LTBP4: variants seen among roughly 807,000 people sequenced by gnomAD.
The protein encoded by LTBP4 is latent-transforming growth factor beta-binding protein 4.
LTBP4 carries 93 observed loss-of-function variants against 180.2 expected under a neutral mutation model. That is an observed-to-expected ratio of 0.52 (90% CI 0.44 to 0.61). The LOEUF is 0.61. Among genes scored for constraint, LTBP4 ranks in the 20% least tolerant of loss-of-function variants. The probability of loss-of-function intolerance (pLI) is 0.00; values close to 1 mark genes in which losing one functional copy is unlikely to be tolerated. For synonymous variants in LTBP4, 947 were observed against 934.5 expected, an observed-to-expected ratio of 1.01 and a Z score of -0.24; for missense variants, 2,116 against 2,256.5, an observed-to-expected ratio of 0.94 and a Z score of 1.26.
chr19:40,613,151 G>T lies in LTBP4; in HGVS notation c.2386G>T (p.Ala796Ser), dbSNP rs771873900. Reference sequence around the variant, plus strand: ...CGAAGGCTCCTTCCGCTGCAGCTGCGCGCCAGGCTACCGGGCGCCGTCGGG... The same window carrying T: ...CGAAGGCTCCTTCCGCTGCAGCTGCTCGCCAGGCTACCGGGCGCCGTCGGG... ...NTEGSFRCSCAPGYRAPSGRP... is the reference protein window; with the variant it reads ...NTEGSFRCSCSPGYRAPSGRP... Residue 796 changes from alanine (A) to serine (S), a missense_variant, in exon 16 of 30, where the codon GCG becomes TCG. Around this residue, in one of 5 missense-constraint regions of LTBP4, gnomAD observed 877 missense variants for 873.6 expected, o/e 1.00. Coordinates refer to ENST00000396819, the MANE Select transcript of LTBP4 (RefSeq NM_001042545.2). This position sits in a 1 kb window ranked among gnomAD's most constrained non-coding sequence, Gnocchi z 5.0. The T allele has an allele frequency of 1.9e-6, 3 of 1,592,402 alleles. No individual in the cohort carries two copies. The highest frequency in any genetic ancestry group is 2.6e-6 in the Non-Finnish European group (3 of 1,169,770).
At position 40,613,946 on chromosome 19, in the gene LTBP4, G is replaced by A; in HGVS notation, c.2588G>A (p.Cys863Tyr). 8 of 1,613,622 alleles carry A rather than the reference G, an allele frequency of 5.0e-6. No individual in the cohort carries two copies. Among genetic ancestry groups the A allele is most frequent in the Non-Finnish European group, 6.8e-6 (8 of 1,179,802 alleles). ...DVDECSEEDL[C>Y]QSGICTNTDG... ...GACGAGTGCAGCGAGGAGGACCTTT[G>A]CCAGAGCGGCATCTGTACCAACACC... The change falls in exon 18 of 30, where the codon TGC (cysteine) becomes TAC (tyrosine). Residue 863 changes from cysteine to tyrosine, a missense_variant. Physicochemically the swap from Cys to Tyr is radical, Grantham distance 194. Around this residue, in one of 5 missense-constraint regions of LTBP4, gnomAD observed 877 missense variants for 873.6 expected, o/e 1.00. Transcript: ENST00000396819. The surrounding 1 kb of genome is among the most constrained non-coding windows in gnomAD (Gnocchi z 5.0).
At chr19:40,602,181 G>A (rs1211533113) in intron 1 of LTBP4, among the ~76,000 whole-genome samples, 1 of 146,464 alleles carries the variant, frequency 6.8e-6, no homozygotes, top group African/African-American at 2.5e-5. Flanking sequence ...GTGTGTGTGT[G>A]TGGCGGCGGG....
chr19:40,609,725 C>G lies in LTBP4; in HGVS notation c.1559-21C>G. The G allele has an allele frequency of 6.2e-7, 1 of 1,611,422 alleles. No homozygotes were observed. The highest frequency in any genetic ancestry group is 2.2e-5 in the East Asian group (1 of 44,814). On this transcript the variant is annotated intron_variant, in intron 10 of 29. Transcript: ENST00000396819. The surrounding 1 kb of genome is among the most constrained non-coding windows in gnomAD (Gnocchi z 4.9). ...GGGCTTTGCCTGGTCACCTTGTCAC[C>G]AGCCCCCTCCGTGTCCTCAGATGTG...
intron 22 of LTBP4, among the ~76,000 whole-genome samples, chr19:40,620,691 G>A (rs1012813356): frequency 2.7e-4 from 39 of 143,566 alleles, no homozygotes; most frequent in African/African-American, 1.0e-3. Context: ...CAGGAAAATC[G>A]CTTGAATCCA....
At chr19:40,618,791 G>A (rs867649040) in intron 21 of LTBP4, among the ~76,000 whole-genome samples, 1 of 152,132 alleles carries the variant, frequency 6.6e-6, no homozygotes, top group Non-Finnish European at 1.5e-5. Flanking sequence ...TCTTTAAAGG[G>A]AATTAAAACT....
intron 22 of LTBP4, among the ~76,000 whole-genome samples, chr19:40,620,875 C>T (rs925531310): frequency 3.3e-5 from 5 of 150,864 alleles, no homozygotes; most frequent in African/African-American, 4.9e-5. Flanking sequence ...GGGTATATTT[C>T]GTGATGCTGA....
upstream of LTBP4, chr19:40,601,316 C>T (rs2081421974): frequency 8.3e-6 from 8 of 965,374 alleles, no homozygotes; most frequent in Non-Finnish European, 9.8e-6. Flanking sequence ...CCCCCGCGGG[C>T]GGGCGGGCGG....
chr19:40,599,568 G>A (rs762874347), upstream of LTBP4: 1 of 1,601,898 alleles, frequency 6.2e-7, no homozygotes, highest in Non-Finnish European at 8.5e-7. Flanking sequence ...TGAGTGGGCA[G>A]TCCCTCCCCT....
chr19:40,619,517 C>A, intron 22 of LTBP4, 24 bp downstream of exon 22: 1 of 1,581,796 alleles, frequency 6.3e-7, no homozygotes, highest in Non-Finnish European at 8.6e-7. Context: ...GTCTATTTAA[C>A]TGATGGCGGC....
At chr19:40,624,139 A>T in intron 26 of LTBP4, 57 bp downstream of exon 26, 1 of 1,463,168 alleles carries the variant, frequency 6.8e-7, no homozygotes, top group South Asian at 1.4e-5. Flanking sequence ...TCACACCCGC[A>T]CCCGGGCCAC....
intron 24 of LTBP4, 145 bp downstream of exon 24, chr19:40,623,166 T>C: frequency 3.8e-6 from 2 of 526,650 alleles, no homozygotes; most frequent in Non-Finnish European, 6.2e-6. Flanking sequence ...TCTTTCTTTC[T>C]TTTCTTTCTT....
intron 1 of LTBP4, among the ~76,000 whole-genome samples, chr19:40,603,736 C>T (rs533667889): frequency 9.7e-4 from 148 of 152,358 alleles, no homozygotes; most frequent in Admixed American, 1.6e-3. Context: ...CTGCCTCCTC[C>T]CTCCCCTCCG....
upstream of LTBP4, chr19:40,599,470 G>A (rs558525573): frequency 4.0e-5 from 64 of 1,613,898 alleles, no homozygotes; most frequent in East Asian, 1.2e-3. Context: ...CAGGCCCCCA[G>A]CGGTGCCTGA....
chr19:40,605,958 G>T lies in LTBP4; in HGVS notation c.793+127G>T, dbSNP rs552762824. 9.1e-7 allele frequency: 1 copy of T among 1,102,778 alleles called. No homozygotes were observed. Among genetic ancestry groups the T allele is most frequent in the Non-Finnish European group, 1.3e-6 (1 of 785,280 alleles). The allele number at this position is 1,102,778 out of a possible 1,614,324, so 68.3% of individuals were successfully genotyped here. ...GCCACGCCTACCCCATTGTGGAGGC[G>T]ACTTCCAGTCCTGAGCTTTTCATAC... On this transcript the variant is annotated intron_variant, in intron 4 of 29. Transcript: ENST00000396819. This position sits in a 1 kb window ranked among gnomAD's most constrained non-coding sequence, Gnocchi z 5.5.
At chr19:40,624,298 C>T (rs542678851) in intron 26 of LTBP4, among the ~76,000 whole-genome samples, 27 of 152,290 alleles carry the variant, frequency 1.8e-4, no homozygotes, top group African/African-American at 6.5e-4. Context: ...TTTAGGGCAA[C>T]CTTTGCATGT....
chr19:40,593,659 T>C (rs2081377196), intron 1 of LTBP4, among the ~76,000 whole-genome samples: 1 of 151,288 alleles, frequency 6.6e-6, no homozygotes, highest in Non-Finnish European at 1.5e-5. Context: ...ATCTAGAATA[T>C]GGTGGTGTTT....
Position 40,629,313 on chromosome 19 carries a change from T to G in LTBP4, c.4520-83T>G. 1 of 1,578,498 alleles carries G rather than the reference T, an allele frequency of 6.3e-7. No homozygotes were observed. The highest frequency in any genetic ancestry group is 1.1e-5 in the South Asian group (1 of 90,402). On this transcript the variant is annotated intron_variant, in intron 29 of 29. Transcript: ENST00000396819. The surrounding 1 kb of genome is among the most constrained non-coding windows in gnomAD (Gnocchi z 4.5). ...CCAAACTGCTCAGCATCTGTGCTCC[T>G]CTGTTCCAAGAACTTAAGGGGCCAA...
At chr19:40,597,073 C>T (rs1475995715), upstream of LTBP4, among the ~76,000 whole-genome samples, 3 of 151,720 alleles carry the variant, frequency 2.0e-5, no homozygotes, top group Non-Finnish European at 2.9e-5. Flanking sequence ...GCGCTGGCGG[C>T]GCCGGGCTGT....
At chr19:40,602,800 C>T (rs1043999986) in intron 1 of LTBP4, among the ~76,000 whole-genome samples, 3 of 152,264 alleles carry the variant, frequency 2.0e-5, no homozygotes, top group East Asian at 1.9e-4. Flanking sequence ...GGTGTAGGCA[C>T]CCCCAGGGAG....
Sources: allele counts gnomAD v4.1 joint callset (sites outside exome capture counted in the v4.1 genomes callset), GRCh38; gene constraint gnomAD v4.1.1; regional missense constraint gnomAD v4.1.1; non-coding constraint Gnocchi (gnomAD v3.1); transcripts MANE v1.5; gene names NCBI Gene and HGNC (gene_info 2026-07-23, HGNC 2026-07-21).